The following SORCS1 variants were observed in gnomAD, a reference collection of about 807,000 sequenced individuals.
SORCS1 encodes VPS10 domain-containing receptor SorCS1.
In SORCS1, 60 loss-of-function variants were observed where a neutral mutation model predicts 146.1. The observed-to-expected ratio is 0.41, with a 90% confidence interval of 0.33 to 0.51. SORCS1 has a LOEUF of 0.51. Ranked by LOEUF, SORCS1 falls within the 20% of genes least tolerant of loss-of-function variation. SORCS1 has a pLI of 0.21. For synonymous variants in SORCS1, 637 were observed against 584.0 expected (o/e 1.09, Z -1.31); for missense variants, 1,352 against 1,487.6 (o/e 0.91, Z 1.50).
intron 1 of SORCS1, among the ~76,000 whole-genome samples, chr10:107,114,421 C>G (rs953018034): frequency 6.6e-6 from 1 of 152,094 alleles, no homozygotes. Flanking sequence ...TTAAAAGGAT[C>G]ATACACCATG....
At chr10:106,948,787 G>A (rs1589768835) in intron 2 of SORCS1, among the ~76,000 whole-genome samples, 1 of 152,030 alleles carries the variant, frequency 6.6e-6, no homozygotes, top group African/African-American at 2.4e-5. Flanking sequence ...GTGAAACCGC[G>A]TCTCTACTAA....
chr10:106,921,318 TAC>T (rs142529604), intron 2 of SORCS1, among the ~76,000 whole-genome samples: 165 of 152,294 alleles, frequency 1.1e-3, no homozygotes, highest in African/African-American at 3.8e-3. Flanking sequence ...CTCAGCTCCT[TAC>T]ATACAAGACC....
chr10:106,662,849 C>T (rs958941729), intron 17 of SORCS1, among the ~76,000 whole-genome samples: 3 of 152,136 alleles, frequency 2.0e-5, no homozygotes, highest in Non-Finnish European at 4.4e-5. Flanking sequence ...TAAAGGAGGA[C>T]GGCACTTAAT....
the SORCS1 span, among the ~76,000 whole-genome samples, chr10:107,179,235 T>C: frequency 6.6e-6 from 1 of 152,234 alleles, no homozygotes; most frequent in African/African-American, 2.4e-5. Flanking sequence ...CATTTTTTCA[T>C]ATACCTGTTG....
intron 2 of SORCS1, among the ~76,000 whole-genome samples, chr10:106,832,334 AC>A (rs1368218484): frequency 2.0e-5 from 3 of 151,948 alleles, no homozygotes; most frequent in Admixed American, 2.0e-4. Context: ...GATTACAGGC[AC>A]ACATCACCAC....
At chr10:107,168,666 CTTTTT>C (rs57998261), upstream of SORCS1, among the ~76,000 whole-genome samples, 529 of 119,242 alleles carry the variant, frequency 4.4e-3, 6 homozygotes, top group African/African-American at 0.013. Context: ...CAGCTCATGC[CTTTTT>C]TTTTTTTTTT....
At chr10:106,955,523 G>T (rs1954895496) in intron 2 of SORCS1, among the ~76,000 whole-genome samples, 1 of 152,194 alleles carries the variant, frequency 6.6e-6, no homozygotes, top group Admixed American at 6.5e-5. Flanking sequence ...GGCTGTGGAG[G>T]TCTCTGGCTG....
At chr10:106,618,478 T>C (rs1394592790) in intron 20 of SORCS1, among the ~76,000 whole-genome samples, 1 of 152,186 alleles carries the variant, frequency 6.6e-6, no homozygotes, top group Admixed American at 6.5e-5. Flanking sequence ...CAAGCAAGTC[T>C]GCCTATTCAT....
rs116299540 is a variant in SORCS1 at position 106,626,655 on chromosome 10, C to T, written c.2662+2547G>A. ...TGATTTCTCCATCTGAAAGAAAAGGCCAGAAGTCTGTTATGGTATAGATGT... is the reference window on the plus strand; with the variant it reads ...TGATTTCTCCATCTGAAAGAAAAGGTCAGAAGTCTGTTATGGTATAGATGT... On this transcript the variant is annotated intron_variant, in intron 19 of 25. Coordinates refer to ENST00000263054, the MANE Select transcript of SORCS1 (RefSeq NM_052918.5). Among the ~76,000 whole-genome samples, 381 of 152,224 alleles carry T rather than the reference C, an allele frequency of 2.5e-3. 3 individuals carry two copies. The highest frequency in any genetic ancestry group is 8.7e-3 in the African/African-American group (362 of 41,520).
At chr10:107,019,291 G>A (rs138138349) in intron 1 of SORCS1, among the ~76,000 whole-genome samples, 2 of 152,270 alleles carry the variant, frequency 1.3e-5, no homozygotes, top group African/African-American at 4.8e-5. Context: ...AGACGATCAT[G>A]CAGTCCTTGG....
At chr10:107,003,510 TACA>T (rs1564913332) in intron 1 of SORCS1, among the ~76,000 whole-genome samples, 1 of 148,094 alleles carries the variant, frequency 6.8e-6, no homozygotes, top group Non-Finnish European at 1.5e-5. Context: ...AGCTATCTCA[TACA>T]ACAAGAATAT....
intron 1 of SORCS1, among the ~76,000 whole-genome samples, chr10:107,161,367 T>G (rs1324512554): frequency 6.6e-6 from 1 of 152,078 alleles, no homozygotes; most frequent in Non-Finnish European, 1.5e-5. Flanking sequence ...GGGGAGGACA[T>G]CTAAATGTGA....
chr10:106,943,140 A>G (rs1383015136), intron 2 of SORCS1, among the ~76,000 whole-genome samples: 2 of 152,096 alleles, frequency 1.3e-5, no homozygotes, highest in East Asian at 1.9e-4. Context: ...AGCTGAGCCA[A>G]TGTCTTCTGC....
At chr10:106,817,605 A>C (rs750442903) in intron 3 of SORCS1, among the ~76,000 whole-genome samples, 7 of 152,236 alleles carry the variant, frequency 4.6e-5, no homozygotes, top group Non-Finnish European at 1.0e-4. Flanking sequence ...CTATCAAAGG[A>C]ACATTTTATG....
At chr10:106,811,083 G>C (rs940857095) in intron 3 of SORCS1, among the ~76,000 whole-genome samples, 1 of 151,956 alleles carries the variant, frequency 6.6e-6, no homozygotes, top group Admixed American at 6.6e-5. Flanking sequence ...GGGATTACAG[G>C]CGCCTACCAC....
At chr10:106,984,498 A>G (rs1258980979) in intron 1 of SORCS1, among the ~76,000 whole-genome samples, 2 of 148,482 alleles carry the variant, frequency 1.3e-5, no homozygotes, top group African/African-American at 5.0e-5. Context: ...GGTTCACACC[A>G]TTCTCCTGCC....
chr10:106,924,145 T>A (rs1952862531), intron 2 of SORCS1, among the ~76,000 whole-genome samples: 1 of 151,930 alleles, frequency 6.6e-6, no homozygotes, highest in African/African-American at 2.4e-5. Flanking sequence ...TCCCAGCTAC[T>A]TGAGAGGCTG....
chr10:107,164,884 G>T (rs1969996032), upstream of SORCS1, among the ~76,000 whole-genome samples: 1 of 146,350 alleles, frequency 6.8e-6, no homozygotes, highest in Non-Finnish European at 1.5e-5. The surrounding 1 kb of genome is among the most constrained non-coding windows in gnomAD (Gnocchi z 6.8). Flanking sequence ...GTCTCCGGGC[G>T]CTGGAGGCGC....
chr10:106,711,152 C>T (rs567092189), intron 6 of SORCS1, among the ~76,000 whole-genome samples: 6 of 152,316 alleles, frequency 3.9e-5, no homozygotes, highest in Non-Finnish European at 7.3e-5. Flanking sequence ...GATCCTAATA[C>T]TGTTCCTGGC....
Sources: gnomAD v4.1 joint callset for allele counts (sites outside exome capture counted in the v4.1 genomes callset) on GRCh38, gnomAD v4.1.1 for gene constraint, Gnocchi (gnomAD v3.1) non-coding constraint, MANE v1.5 for transcripts, NCBI Gene and HGNC (gene_info 2026-07-23, HGNC 2026-07-21) for gene names.